ADCY2: variants seen among roughly 807,000 people sequenced by gnomAD.
ADCY2 encodes adenylate cyclase 2.
Under a neutral mutation model 125.2 loss-of-function variants are expected in ADCY2, and 31 were observed. That is an observed-to-expected ratio of 0.25 (90% confidence interval 0.19 to 0.33). The LOEUF is 0.33. Ranked by LOEUF, ADCY2 falls within the 10% of genes least tolerant of loss-of-function variation. The pLI is 1.00. For synonymous variants in ADCY2, 512 were observed against 548.4 expected, an observed-to-expected ratio of 0.93 and a Z score of 0.93; for missense variants, 904 against 1,418.2, an observed-to-expected ratio of 0.64 and a Z score of 5.82.
At chr5:7,651,782 T>C (rs1739098647) in intron 4 of ADCY2, among the ~76,000 whole-genome samples, 1 of 152,110 alleles carries the variant, frequency 6.6e-6, no homozygotes. Context: ...TCTTCCAACC[T>C]TCACGTCTTT....
chr5:7,531,039 T>A (rs1386082910), intron 3 of ADCY2, among the ~76,000 whole-genome samples: 1 of 152,112 alleles, frequency 6.6e-6, no homozygotes, highest in Non-Finnish European at 1.5e-5. Flanking sequence ...CACTGATGAG[T>A]GCAGTTAGAA....
intron 20 of ADCY2, chr5:7,798,005 T>TGGGCACACAGG (rs1387585804): frequency 2.0e-4 from 30 of 152,318 alleles, no homozygotes; most frequent in African/African-American, 7.0e-4. Context: ...GGTGGGGAGC[T>TGGGCACACAGG]GTGGTTTGGG....
At chr5:7,691,584 C>G (rs1261646869) in intron 5 of ADCY2, 1 of 152,166 alleles carries the variant, frequency 6.6e-6, no homozygotes, top group Non-Finnish European at 1.5e-5. Context: ...TCCCATTTCT[C>G]TCCTGCCCCT....
At chr5:7,502,913 C>T (rs988729257) in intron 2 of ADCY2, among the ~76,000 whole-genome samples, 4 of 152,148 alleles carry the variant, frequency 2.6e-5, no homozygotes, top group Non-Finnish European at 4.4e-5. Flanking sequence ...CTTCCTGAGG[C>T]AGTTGTATTG....
intron 23 of ADCY2, 63 bp downstream of exon 23, chr5:7,817,043 C>A: frequency 8.0e-7 from 1 of 1,249,598 alleles, no homozygotes; most frequent in South Asian, 1.2e-5. Flanking sequence ...AGGAGTAAGT[C>A]AGGAGATATT....
intron 2 of ADCY2, among the ~76,000 whole-genome samples, chr5:7,520,273 G>A (rs536943176): frequency 2.0e-4 from 31 of 152,186 alleles, no homozygotes; most frequent in African/African-American, 6.7e-4. Flanking sequence ...TTACATACCC[G>A]TGCTCTCGGC....
intron 2 of ADCY2, among the ~76,000 whole-genome samples, chr5:7,424,160 A>G (rs1340242312): frequency 6.6e-6 from 1 of 152,232 alleles, no homozygotes; most frequent in African/African-American, 2.4e-5. Context: ...TAGTGATCAC[A>G]TCGCAAAAAT....
At chr5:7,676,696 G>A (rs545035351) in intron 4 of ADCY2, among the ~76,000 whole-genome samples, 1 of 152,334 alleles carries the variant, frequency 6.6e-6, no homozygotes, top group African/African-American at 2.4e-5. Context: ...AGAAGCCACA[G>A]TGTGAGCTGA....
rs1157724229 is a variant in ADCY2, at chr5:7,828,282, C to T, written c.*1411C>T. The T allele has an allele frequency of 2.0e-5, 3 of 152,730 alleles. No homozygotes were observed. Among genetic ancestry groups the T allele is most frequent in the Admixed American group, 6.5e-5 (1 of 15,276 alleles). 9.5% of individuals were successfully genotyped at this position (152,730 alleles called of 1,614,324 possible). Reference sequence around the variant, plus strand: ...AGAACCCAGATGATCTCTTAGGAAGCCTTTTATTCGTGGGAACTCGAACTT... The same window carrying T: ...AGAACCCAGATGATCTCTTAGGAAGTCTTTTATTCGTGGGAACTCGAACTT... On this transcript the variant is annotated 3_prime_UTR_variant, in exon 25 of 25. Transcript: ENST00000338316.
intron 4 of ADCY2, among the ~76,000 whole-genome samples, chr5:7,642,213 T>A (rs1200750466): frequency 6.6e-6 from 1 of 152,144 alleles, no homozygotes; most frequent in Non-Finnish European, 1.5e-5. Context: ...TAATACTAGT[T>A]ATTCTGACTG....
At chr5:7,458,599 T>C (rs913365703) in intron 2 of ADCY2, among the ~76,000 whole-genome samples, 1 of 152,194 alleles carries the variant, frequency 6.6e-6, no homozygotes, top group African/African-American at 2.4e-5. Context: ...AGCTGGCGTA[T>C]GTTAATGGCG....
Position 7,709,303 on chromosome 5 carries a change from G to A in ADCY2, c.1494G>A (p.Leu498=). The A allele has an allele frequency of 6.2e-7, 1 of 1,613,762 alleles. No individual in the cohort carries two copies. The highest frequency in any genetic ancestry group is 1.3e-5 in the African/African-American group (1 of 74,964). ...CCTCGGTCCGCATGACCCGGTACTT[G>A]GAGTCCTGGGGGGCAGCCAAGCCCT... ...MRASVRMTRY[L]ESWGAAKPFA... The change falls in exon 10 of 25, where the codon TTG becomes TTA. Residue 498 remains leucine, a synonymous_variant. Coordinates refer to ENST00000338316, the MANE Select transcript of ADCY2 (RefSeq NM_020546.3). This position sits in a 1 kb window ranked among gnomAD's most constrained non-coding sequence, Gnocchi z 4.4.
intron 12 of ADCY2, among the ~76,000 whole-genome samples, chr5:7,719,692 A>C (rs1741701214): frequency 6.6e-6 from 1 of 152,180 alleles, no homozygotes; most frequent in South Asian, 2.1e-4. Context: ...GTCTTGTCTT[A>C]GAAGGACTCC....
intron 2 of ADCY2, among the ~76,000 whole-genome samples, chr5:7,434,787 G>A (rs746954496): frequency 1.9e-4 from 29 of 152,310 alleles, no homozygotes; most frequent in Non-Finnish European, 4.0e-4. Flanking sequence ...TCTACAAAGC[G>A]TGTCTCCCAC....
At chr5:7,656,917 G>A (rs991818979) in intron 4 of ADCY2, among the ~76,000 whole-genome samples, 5 of 152,176 alleles carry the variant, frequency 3.3e-5, no homozygotes, top group African/African-American at 7.2e-5. Context: ...AAATGCTTCC[G>A]AATCGGAAAC....
chr5:7,809,269 C>G (rs1258015930), intron 22 of ADCY2, among the ~76,000 whole-genome samples: 1 of 152,046 alleles, frequency 6.6e-6, no homozygotes, highest in Non-Finnish European at 1.5e-5. Flanking sequence ...ACTGTATGTG[C>G]TATTTGTGAT....
intron 3 of ADCY2, among the ~76,000 whole-genome samples, chr5:7,613,408 C>T (rs1290005793): frequency 6.6e-6 from 1 of 152,182 alleles, no homozygotes; most frequent in African/African-American, 2.4e-5. Context: ...CACTAACCAT[C>T]CCGCATTAGG....
At chr5:7,397,371 G>GC (rs1402390729) in intron 1 of ADCY2, among the ~76,000 whole-genome samples, 1 of 149,954 alleles carries the variant, frequency 6.7e-6, no homozygotes, top group Non-Finnish European at 1.5e-5. Context: ...CTCTGAGTGT[G>GC]TGGTTCAAAC....
chr5:7,599,489 G>T (rs188188070), intron 3 of ADCY2, among the ~76,000 whole-genome samples: 9 of 152,306 alleles, frequency 5.9e-5, no homozygotes, highest in African/African-American at 1.9e-4. Flanking sequence ...TTTAGGGAAG[G>T]AAGATGGGGA....
Sources: allele counts gnomAD v4.1 joint callset (sites outside exome capture counted in the v4.1 genomes callset), GRCh38; gene constraint gnomAD v4.1.1; non-coding constraint Gnocchi (gnomAD v3.1); transcripts MANE v1.5; gene names NCBI Gene and HGNC (gene_info 2026-07-23, HGNC 2026-07-21).